Variants in ADAT1 observed in about 807,000 individuals in gnomAD.
ADAT1 encodes tRNA-specific adenosine deaminase 1.
A neutral mutation model predicts 58.6 loss-of-function variants in ADAT1; 58 were observed. The observed-to-expected ratio is 0.99, with a 90% confidence interval of 0.80 to 1.23. The LOEUF (loss-of-function observed/expected upper bound fraction) is 1.23. ADAT1 is among the 50% of genes most tolerant of loss of function. The pLI is 0.00. For missense variants in ADAT1, 741 were observed against 608.6 expected (o/e 1.22, Z -2.29); for synonymous variants, 254 against 220.8 (o/e 1.15, Z -1.33).
chr16:75,617,368 C>T, intron 4 of ADAT1, 96 bp from the exon 5 acceptor site: 1 of 1,340,742 alleles, frequency 7.5e-7, no homozygotes, highest in Non-Finnish European at 1.0e-6. Flanking sequence ...TTACTGTAGA[C>T]TAATGGGACT....
At chr16:75,613,389 C>T (rs1398652130) in intron 5 of ADAT1, among the ~76,000 whole-genome samples, 1 of 152,126 alleles carries the variant, frequency 6.6e-6, no homozygotes, top group African/African-American at 2.4e-5. Flanking sequence ...GCAATCTCTA[C>T]CTCCTGGGTT....
At chr16:75,603,660 A>C (rs2081284504) in intron 8 of ADAT1, among the ~76,000 whole-genome samples, 1 of 152,166 alleles carries the variant, frequency 6.6e-6, no homozygotes, top group Non-Finnish European at 1.5e-5. Flanking sequence ...TTTGCTCCTA[A>C]ACAACAAAAT....
At chr16:75,604,261 C>T (rs1171559214) in intron 8 of ADAT1, among the ~76,000 whole-genome samples, 1 of 150,524 alleles carries the variant, frequency 6.6e-6, no homozygotes, top group East Asian at 2.0e-4. Context: ...GGTGAAACCC[C>T]ATCTCTACTA....
chr16:75,614,052 T>C (rs1359298890), intron 5 of ADAT1, among the ~76,000 whole-genome samples: 2 of 151,976 alleles, frequency 1.3e-5, no homozygotes, highest in South Asian at 2.1e-4. Flanking sequence ...TAGCCGGGTG[T>C]GGTGGCGCGC....
Position 75,612,320 on chromosome 16 carries a change from C to G in ADAT1, c.966G>C (p.Glu322Asp). 6.2e-7 allele frequency: 1 copy of G among 1,614,214 alleles called. No individual in the cohort carries two copies. The highest frequency in any genetic ancestry group is 1.1e-5 in the South Asian group (1 of 91,090). The change falls in exon 6 of 10, where the codon GAG becomes GAC. Residue 322 changes from glutamate (E) to aspartate (D), a missense_variant. Glu to Asp is a conservative substitution (Grantham distance 45). Coordinates refer to ENST00000564657, the MANE Select transcript of ADAT1 (RefSeq NM_001324445.2). Reference sequence around the variant, plus strand: ...TGACCACAGCTGACAGGTAGATGGGCTCTTCCAGCAAGTGCATCAACAGTG... The same window carrying G: ...TGACCACAGCTGACAGGTAGATGGGGTCTTCCAGCAAGTGCATCAACAGTG... Reference protein sequence around the residue: ...QGALLMHLLEEPIYLSAVVIG... With the variant: ...QGALLMHLLEDPIYLSAVVIG...
At position 75,620,934 on chromosome 16, in the gene ADAT1, T is replaced by A. The variant is rs534725670; in HGVS notation, c.-21-114A>T. 1.0e-4 allele frequency: 78 copies of A among 775,082 alleles called. 1 individual carries two copies. In the African/African-American group the frequency reaches 1.3e-3, roughly 13 times the overall value. 48.0% of individuals were successfully genotyped at this position (775,082 alleles called of 1,614,324 possible). A position where few individuals can be genotyped will look rare whatever the true frequency, so the allele number is the denominator to read the frequency against. ...CAAATGGAGCAGACCGAGGTTTCCC[T>A]ATCTGGAACTCTATGGATCATTTTC... On this transcript the variant is annotated intron_variant, in intron 1 of 9. Coordinates refer to ENST00000564657, the MANE Select transcript of ADAT1 (RefSeq NM_001324445.2).
At chr16:75,620,162 G>T in intron 3 of ADAT1, 104 bp downstream of exon 3, 1 of 1,110,394 alleles carries the variant, frequency 9.0e-7, no homozygotes, top group Non-Finnish European at 1.4e-6. Flanking sequence ...GGAAACAAAT[G>T]CCATGCACCT....
chr16:75,602,568 T>C (rs2151742633), intron 9 of ADAT1, among the ~76,000 whole-genome samples: 1 of 152,306 alleles, frequency 6.6e-6, no homozygotes, highest in Non-Finnish European at 1.5e-5. Context: ...TTGTTTGAAA[T>C]GAAGACAGTT....
At position 75,617,137 on chromosome 16, in the gene ADAT1, C is replaced by T. The variant is rs1024085929; in HGVS notation, c.424+5G>A. The T allele has an allele frequency of 6.2e-7, 1 of 1,610,724 alleles. No individual in the cohort carries two copies. Among genetic ancestry groups the T allele is most frequent in the Non-Finnish European group, 8.5e-7 (1 of 1,177,410 alleles). ...ACATTAATCCAAAGGCTTGAATATA[C>T]TTACAGGGTGTATGGCTGGAGAAAA... On this transcript the variant is annotated splice_donor_5th_base_variant and intron_variant, in intron 5 of 9. Coordinates refer to ENST00000564657, the MANE Select transcript of ADAT1 (RefSeq NM_001324445.2).
At chr16:75,602,774 G>A (rs1359091863) in intron 9 of ADAT1, among the ~76,000 whole-genome samples, 1 of 152,134 alleles carries the variant, frequency 6.6e-6, no homozygotes, top group African/African-American at 2.4e-5. Flanking sequence ...AGAATATATT[G>A]CTCTTAGAGC....
intron 5 of ADAT1, among the ~76,000 whole-genome samples, 153 bp downstream of exon 5, chr16:75,616,989 C>T (rs1039808827): frequency 1.3e-5 from 2 of 152,212 alleles, no homozygotes; most frequent in African/African-American, 2.4e-5. Flanking sequence ...ACTAGCCTGT[C>T]ATAAAAAGGC....
chr16:75,620,553 C>A (rs1350676165), intron 2 of ADAT1, 78 bp downstream of exon 2: 13 of 1,549,496 alleles, frequency 8.4e-6, no homozygotes, highest in Non-Finnish European at 1.8e-6. Context: ...CTACCCACGA[C>A]TGTACCCTCA....
At chr16:75,608,782 T>G (rs1272520583) in intron 7 of ADAT1, 61 bp downstream of exon 7, 1 of 1,570,168 alleles carries the variant, frequency 6.4e-7, no homozygotes, top group Admixed American at 2.0e-5. Context: ...GCCGACCCTC[T>G]GGGGCCACTC....
intron 6 of ADAT1, among the ~76,000 whole-genome samples, chr16:75,609,788 C>T (rs1292691461): frequency 6.6e-6 from 1 of 152,174 alleles, no homozygotes; most frequent in Non-Finnish European, 1.5e-5. Context: ...ACTGCAACTT[C>T]TGCCCCCTGG....
At chr16:75,608,462 T>C (rs2081428442) in intron 7 of ADAT1, 139 bp from the exon 8 acceptor site, 1 of 700,050 alleles carries the variant, frequency 1.4e-6, no homozygotes, top group Non-Finnish European at 2.4e-6. Flanking sequence ...TGCTATTGGA[T>C]GCTTGGCCTC....
chr16:75,614,222 G>C (rs2081637143), intron 5 of ADAT1, among the ~76,000 whole-genome samples: 1 of 152,096 alleles, frequency 6.6e-6, no homozygotes, highest in African/African-American at 2.4e-5. Flanking sequence ...GGCAACCATT[G>C]CTCAGAATTT....
Position 75,608,281 on chromosome 16 carries a change from G to A in ADAT1, c.1232C>T (p.Thr411Ile), listed in dbSNP as rs762604498. The A allele has an allele frequency of 3.7e-5, 60 of 1,614,000 alleles. No individual in the cohort carries two copies. Among genetic ancestry groups the A allele is most frequent in the African/African-American group, 6.7e-5 (5 of 74,938 alleles). ...SAVPEQPLDVTANGFPQGTTK... is the reference protein window; with the variant it reads ...SAVPEQPLDVIANGFPQGTTK... ...TGTTCCCTGTGGAAAGCCATTGGCA[G>A]TAACATCCAAAGGCTGCTCAGGAAC... Residue 411 changes from threonine (T) to isoleucine (I), a missense_variant, in exon 8 of 10, where the codon ACT becomes ATT. Coordinates refer to ENST00000564657, the MANE Select transcript of ADAT1 (RefSeq NM_001324445.2).
At chr16:75,620,590 T>C in intron 2 of ADAT1, 41 bp downstream of exon 2, 7 of 1,604,294 alleles carry the variant, frequency 4.4e-6, no homozygotes, top group Non-Finnish European at 6.0e-6. Context: ...AATTTTACCA[T>C]CTCTCACAGT....
chr16:75,600,021 C>T lies in ADAT1; in HGVS notation c.*195G>A. The stretch of plus-strand genomic sequence containing the variant: ...AGATAGTGAGGTCATTAGTGAGATG[C>T]CATTTTAGCAGAGAGCTACTTCAAT... On this transcript the variant is annotated 3_prime_UTR_variant, in exon 10 of 10. Coordinates refer to ENST00000564657, the MANE Select transcript of ADAT1 (RefSeq NM_001324445.2). The T allele has an allele frequency of 7.3e-7, 1 of 1,378,050 alleles. No homozygotes were observed. Among genetic ancestry groups the T allele is most frequent in the Non-Finnish European group, 9.4e-7 (1 of 1,063,134 alleles). The allele number at this position is 1,378,050 out of a possible 1,614,324, so 85.4% of individuals were successfully genotyped here.
Sources: allele counts gnomAD v4.1 joint callset (sites outside exome capture counted in the v4.1 genomes callset), GRCh38; gene constraint gnomAD v4.1.1; transcripts MANE v1.5; gene names NCBI Gene and HGNC (gene_info 2026-07-23, HGNC 2026-07-21).